The following HOMER2 variants were observed in gnomAD, a reference collection of about 807,000 sequenced individuals.
HOMER2 encodes the protein homer scaffold protein 2, also known as homer protein homolog 2.
A neutral mutation model predicts 47.0 loss-of-function variants in HOMER2; 27 were observed. The observed-to-expected ratio is 0.57, with a 90% CI of 0.42 to 0.79. The LOEUF (loss-of-function observed/expected upper bound fraction) is 0.79, where lower values mean the gene tolerates loss of function less well. HOMER2 is among the 30% of genes least tolerant of loss of function. The pLI is 0.00. For synonymous variants in HOMER2, 161 were observed against 163.8 expected (o/e 0.98, Z 0.13); for missense variants, 443 against 435.0 (o/e 1.02, Z -0.16).
At chr15:82,894,167 A>G (rs977881041) in intron 1 of HOMER2, among the ~76,000 whole-genome samples, 3 of 152,196 alleles carry the variant, frequency 2.0e-5, no homozygotes, top group African/African-American at 7.2e-5. Context: ...AAATTTGCAT[A>G]TTACCTATGT....
Position 82,892,686 on chromosome 15 carries a change from T to C in HOMER2, c.161A>G (p.Lys54Arg). Residue 54 changes from lysine to arginine, a missense_variant and splice_region_variant, in exon 2 of 9, where the codon AAG becomes AGG. Physicochemically the swap from Lys to Arg is conservative, Grantham distance 26 (BLOSUM62 2). Transcript: ENST00000450735. The part of the protein sequence containing the change: ...SYRIISVDGA[K>R]VIINSTITPN... ...TAAAATCAGCTGAGGGGGTGGTACCTTGGCTCCGTCCACACTGATGATCCG... is the reference window on the plus strand; with the variant it reads ...TAAAATCAGCTGAGGGGGTGGTACCCTGGCTCCGTCCACACTGATGATCCG... 6.5e-7 allele frequency: 1 copy of C among 1,539,684 alleles called. No individual in the cohort carries two copies. The highest frequency in any genetic ancestry group is 8.9e-7 in the Non-Finnish European group (1 of 1,129,846).
intron 2 of HOMER2, among the ~76,000 whole-genome samples, chr15:82,882,574 A>G (rs1050129776): frequency 2.0e-5 from 3 of 152,236 alleles, no homozygotes; most frequent in Non-Finnish European, 4.4e-5. Flanking sequence ...GAAGAAGGAA[A>G]TGTCTTCGTG....
chr15:82,960,541 T>C (rs1353473560), intron 1 of HOMER2, among the ~76,000 whole-genome samples: 1 of 152,200 alleles, frequency 6.6e-6, no homozygotes, highest in Non-Finnish European at 1.5e-5. Flanking sequence ...TTTCACTGAA[T>C]TAAATATCAA....
At chr15:82,907,464 G>A (rs924717052) in intron 1 of HOMER2, among the ~76,000 whole-genome samples, 1 of 146,820 alleles carries the variant, frequency 6.8e-6, no homozygotes, top group Admixed American at 7.1e-5. Context: ...AAAGAAGGAA[G>A]GAAGGAGAAA....
chr15:82,860,495 A>AT (rs1218665955), intron 4 of HOMER2, among the ~76,000 whole-genome samples: 1 of 152,192 alleles, frequency 6.6e-6, no homozygotes, highest in African/African-American at 2.4e-5. Flanking sequence ...ATATGTTCAC[A>AT]TTTTTTTGTG....
intron 1 of HOMER2, among the ~76,000 whole-genome samples, chr15:82,897,560 C>A (rs1686993436): frequency 1.3e-5 from 2 of 152,270 alleles, no homozygotes; most frequent in Admixed American, 1.3e-4. Context: ...TTTTAACCAA[C>A]AGAATATGGC....
intron 2 of HOMER2, among the ~76,000 whole-genome samples, chr15:82,876,508 T>C (rs1276373641): frequency 2.0e-5 from 3 of 152,148 alleles, no homozygotes; most frequent in East Asian, 3.9e-4. Flanking sequence ...TCAGTAGAAA[T>C]CATTGCAAGC....
At chr15:82,965,327 C>T (rs1256474402) in intron 1 of HOMER2, among the ~76,000 whole-genome samples, 1 of 152,160 alleles carries the variant, frequency 6.6e-6, no homozygotes, top group Non-Finnish European at 1.5e-5. Context: ...CCTATATTTT[C>T]TAAATTAGAT....
At chr15:82,958,326 C>A (rs2054602937) in exon 2 of HOMER2, 1 of 152,176 alleles carries the variant, frequency 6.6e-6, no homozygotes, top group Non-Finnish European at 1.5e-5. Flanking sequence ...AGCAACGAGA[C>A]CAGCACATGC....
chr15:82,877,852 G>C (rs1423861882), intron 2 of HOMER2, among the ~76,000 whole-genome samples: 3 of 103,410 alleles, frequency 2.9e-5, no homozygotes, highest in Non-Finnish European at 4.0e-5. Context: ...CAGGGAAGCA[G>C]GGCGTGGAAA....
intron 1 of HOMER2, among the ~76,000 whole-genome samples, chr15:82,907,667 A>G (rs897605116): frequency 3.3e-5 from 5 of 152,204 alleles, no homozygotes; most frequent in African/African-American, 1.2e-4. Flanking sequence ...ATCCAAGAAG[A>G]GTAGATTGCA....
chr15:82,889,905 A>G (rs1307893406), intron 2 of HOMER2, among the ~76,000 whole-genome samples: 4 of 152,088 alleles, frequency 2.6e-5, no homozygotes, highest in African/African-American at 7.2e-5. Flanking sequence ...CCCATCCCCA[A>G]TCCCTGAATG....
At chr15:82,916,947 G>A (rs975050323) in intron 1 of HOMER2, among the ~76,000 whole-genome samples, 5 of 152,058 alleles carry the variant, frequency 3.3e-5, no homozygotes, top group South Asian at 2.1e-4. Flanking sequence ...GATTACAGGC[G>A]CACGCCACAA....
chr15:82,954,078 AAAAT>A (rs937446978), upstream of HOMER2, among the ~76,000 whole-genome samples: 4 of 152,048 alleles, frequency 2.6e-5, no homozygotes, highest in African/African-American at 7.2e-5. Context: ...CTGTCTCAAA[AAAAT>A]AAATAAATAA....
intron 1 of HOMER2, among the ~76,000 whole-genome samples, chr15:82,933,053 G>C (rs768747501): frequency 1.3e-5 from 2 of 151,900 alleles, no homozygotes; most frequent in African/African-American, 4.8e-5. Context: ...CCCTTCTCTA[G>C]GCTAAGTATG....
chr15:82,970,614 G>C (rs2029953422), intron 1 of HOMER2, among the ~76,000 whole-genome samples: 1 of 152,170 alleles, frequency 6.6e-6, no homozygotes, highest in Admixed American at 6.6e-5. Flanking sequence ...ATTATTACCT[G>C]TGCCATAGTA....
intron 1 of HOMER2, among the ~76,000 whole-genome samples, chr15:82,902,267 G>T (rs184569208): frequency 6.2e-5 from 9 of 144,980 alleles, no homozygotes; most frequent in Admixed American, 5.7e-4. Context: ...GTGCAATCTC[G>T]GCTCACTGCA....
intron 1 of HOMER2, among the ~76,000 whole-genome samples, chr15:82,893,286 T>C (rs1346400213): frequency 1.3e-5 from 2 of 152,084 alleles, no homozygotes; most frequent in East Asian, 3.9e-4. Flanking sequence ...TTCTATTAAG[T>C]ACTTCTCAAA....
Position 82,854,642 on chromosome 15 carries a change from A to G in HOMER2, c.651+2T>C. 1 of 1,611,236 alleles carries G rather than the reference A, an allele frequency of 6.2e-7. No homozygotes were observed. Among genetic ancestry groups the G allele is most frequent in the East Asian group, 2.2e-5 (1 of 44,834 alleles). Reference sequence around the variant, plus strand: ...GGGGCTCACTGCATCCACCGTACCCACCTTGTTGCGGAGCCGGTCATTCTC... The same window carrying G: ...GGGGCTCACTGCATCCACCGTACCCGCCTTGTTGCGGAGCCGGTCATTCTC... On this transcript the variant is annotated splice_donor_variant, in intron 6 of 8. Transcript: ENST00000450735. LOFTEE classifies it high-confidence loss of function.
Sources: gnomAD v4.1 joint callset for allele counts (sites outside exome capture counted in the v4.1 genomes callset) on GRCh38, gnomAD v4.1.1 for gene constraint, MANE v1.5 for transcripts, NCBI Gene and HGNC (gene_info 2026-07-23, HGNC 2026-07-21) for gene names.